JMJD1C: variants seen among roughly 807,000 people sequenced by gnomAD.
The protein encoded by JMJD1C is jumonji domain containing 1C.
Under a neutral mutation model 245.3 loss-of-function variants are expected in JMJD1C, and 31 were observed. The observed-to-expected ratio is 0.13, with a 90% confidence interval of 0.09 to 0.17. The LOEUF is 0.17. Among genes scored for constraint, JMJD1C ranks in the 10% least tolerant of loss-of-function variants. The pLI is 1.00. For synonymous variants in JMJD1C, 1,057 were observed against 1,017.4 expected, an observed-to-expected ratio of 1.04 and a Z score of -0.74; for missense variants, 2,691 against 3,000.2, an observed-to-expected ratio of 0.90 and a Z score of 2.41.
chr10:63,267,073 G>T (rs185340130), intron 2 of JMJD1C, among the ~76,000 whole-genome samples: 1 of 152,270 alleles, frequency 6.6e-6, no homozygotes, highest in East Asian at 1.9e-4. Flanking sequence ...AGCTGACAAT[G>T]ATCAAATTTG....
intron 1 of JMJD1C, among the ~76,000 whole-genome samples, chr10:63,512,214 A>G (rs1431111141): frequency 6.6e-6 from 1 of 152,192 alleles, no homozygotes; most frequent in Non-Finnish European, 1.5e-5. Context: ...TATCTGTCAG[A>G]TCAATTATGA....
At position 63,213,989 on chromosome 10, in the gene JMJD1C, A is replaced by G; in HGVS notation, c.2178T>C (p.Ala726=). The change falls in exon 8 of 26, where the codon GCT becomes GCC. Residue 726 remains alanine, a synonymous_variant. Coordinates refer to ENST00000399262, the MANE Select transcript of JMJD1C (RefSeq NM_032776.3). ...GGCTTAGGAAAGGTGAAATATGATTAGCTCCTGTTTCTGACCCAATAAGTG... is the reference window on the plus strand; with the variant it reads ...GGCTTAGGAAAGGTGAAATATGATTGGCTCCTGTTTCTGACCCAATAAGTG... ...DPALIGSETG[A]NHISPFLSQH... 1 of 1,614,172 alleles carries G rather than the reference A, an allele frequency of 6.2e-7. No individual in the cohort carries two copies. Among genetic ancestry groups the G allele is most frequent in the Non-Finnish European group, 8.5e-7 (1 of 1,180,000 alleles).
At chr10:63,236,143 C>A in intron 3 of JMJD1C, among the ~76,000 whole-genome samples, 1 of 152,140 alleles carries the variant, frequency 6.6e-6, no homozygotes, top group African/African-American at 2.4e-5. Context: ...TCGGTTACAG[C>A]AATATTACAT....
In JMJD1C at chr10:63,213,595, C is replaced by G; in HGVS notation, c.2572G>C (p.Gly858Arg). ...AHPSASYNQL[G>R]LYPIIWQYPN... ...TACTGCCAAATAATTGGATAAAGTC[C>G]AAGCTGATTATATGAAGCAGAAGGA... Residue 858 changes from glycine to arginine, a missense_variant, in exon 8 of 26, where the codon GGA becomes CGA. Transcript: ENST00000399262. 6.2e-7 allele frequency: 1 copy of G among 1,614,100 alleles called. No homozygotes were observed. The highest frequency in any genetic ancestry group is 8.5e-7 in the Non-Finnish European group (1 of 1,179,994).
At chr10:63,254,876 T>C (rs1180062791) in intron 3 of JMJD1C, among the ~76,000 whole-genome samples, 1 of 145,508 alleles carries the variant, frequency 6.9e-6, no homozygotes, top group Middle Eastern at 3.5e-3. Context: ...TTTTATGAGA[T>C]AGGGTCTCCC....
chr10:63,430,158 T>C (rs1950662866), intron 1 of JMJD1C, among the ~76,000 whole-genome samples: 1 of 152,180 alleles, frequency 6.6e-6, no homozygotes, highest in South Asian at 2.1e-4. Flanking sequence ...AAAATAAAGT[T>C]GGGAAATTAC....
chr10:63,335,451 A>G lies in JMJD1C; in HGVS notation c.333+44867T>C, dbSNP rs543785377. 1.6e-4 allele frequency among the ~76,000 whole-genome samples: 24 copies of G among 152,342 alleles called. No individual in the cohort carries two copies. The East Asian group carries it at 4.6e-3, about 29-fold the overall frequency. On this transcript the variant is annotated intron_variant, in intron 2 of 25. Transcript: ENST00000399262. ...CAGTTAAAAAGAAAATTGATTCCAA[A>G]TATAATTCCCCTTAAAAGTTGGCAT... is the stretch of plus-strand genomic sequence containing the variant.
In JMJD1C at chr10:63,380,207, G is replaced by A; in HGVS notation, c.333+111C>T. On this transcript the variant is annotated intron_variant, in intron 2 of 25. Coordinates refer to ENST00000399262, the MANE Select transcript of JMJD1C (RefSeq NM_032776.3). ...AATTGTCCTGCTTCAGCCTCTCAAAGTGCTAGTTTTACAGGTGTCAGTCAC... is the reference window on the plus strand; with the variant it reads ...AATTGTCCTGCTTCAGCCTCTCAAAATGCTAGTTTTACAGGTGTCAGTCAC... The A allele has an allele frequency of 3.8e-6, 4 of 1,050,814 alleles. No homozygotes were observed. In the East Asian group the frequency reaches 7.3e-5, roughly 19 times the overall value. 65.1% of individuals were successfully genotyped at this position (1,050,814 alleles called of 1,614,324 possible).
intron 2 of JMJD1C, among the ~76,000 whole-genome samples, chr10:63,317,998 C>T (rs576821346): frequency 6.6e-6 from 1 of 152,136 alleles, no homozygotes; most frequent in East Asian, 1.9e-4. Context: ...TAGCCATGCA[C>T]CACCACGCTC....
At chr10:63,195,791 T>C (rs1449335483) in intron 13 of JMJD1C, among the ~76,000 whole-genome samples, 1 of 151,738 alleles carries the variant, frequency 6.6e-6, no homozygotes, top group Non-Finnish European at 1.5e-5. Context: ...TAGCTGGGCT[T>C]GGTGGCAGGC....
intron 2 of JMJD1C, among the ~76,000 whole-genome samples, chr10:63,365,481 GTAAT>G (rs1945755275): frequency 6.6e-6 from 1 of 152,108 alleles, no homozygotes; most frequent in South Asian, 2.1e-4. Flanking sequence ...GTAAGATTCA[GTAAT>G]TCAGGCCAGG....
intron 3 of JMJD1C, among the ~76,000 whole-genome samples, chr10:63,245,210 A>AT (rs1449927491): frequency 1.3e-5 from 2 of 151,326 alleles, no homozygotes; most frequent in Non-Finnish European, 2.9e-5. Flanking sequence ...TGAAATAACA[A>AT]TTTTTTAAAA....
intron 2 of JMJD1C, among the ~76,000 whole-genome samples, chr10:63,298,123 G>GT (rs1859656739): frequency 6.6e-6 from 1 of 152,204 alleles, no homozygotes; most frequent in African/African-American, 2.4e-5. Context: ...CAGTATGCCT[G>GT]GCTGTGCACA....
chr10:63,355,469 T>C (rs1296029417), intron 2 of JMJD1C, among the ~76,000 whole-genome samples: 1 of 152,200 alleles, frequency 6.6e-6, no homozygotes, highest in Non-Finnish European at 1.5e-5. Flanking sequence ...AACAGAGAAT[T>C]GTTCCATCAT....
At position 63,364,804 on chromosome 10, in the gene JMJD1C, A is replaced by G. The variant is rs533623063; in HGVS notation, c.333+15514T>C. ...GGCCGAGCACATGTTTTACCAGACA[A>G]ATTTATCCAAGTCTCACCTAGATCA... On this transcript the variant is annotated intron_variant, in intron 2 of 25. Transcript: ENST00000399262. 6.2e-4 allele frequency among the ~76,000 whole-genome samples: 95 copies of G among 152,272 alleles called. 1 individual carries two copies. Among genetic ancestry groups the G allele is most frequent in the Admixed American group, 1.2e-3 (19 of 15,292 alleles).
At chr10:63,212,032 T>C (rs1268627365) in intron 8 of JMJD1C, among the ~76,000 whole-genome samples, 1 of 152,128 alleles carries the variant, frequency 6.6e-6, no homozygotes, top group Non-Finnish European at 1.5e-5. Context: ...GCAACATGGA[T>C]GAACCTCAAG....
chr10:63,197,281 C>T (rs936117025), intron 13 of JMJD1C, 130 bp downstream of exon 13: 2 of 770,024 alleles, frequency 2.6e-6, no homozygotes. Context: ...CTCTTAAAAA[C>T]AAACTGAAAA....
chr10:63,277,003 T>G (rs909429714), intron 2 of JMJD1C, among the ~76,000 whole-genome samples: 19 of 143,520 alleles, frequency 1.3e-4, no homozygotes, highest in Non-Finnish European at 2.7e-4. Context: ...TGCCTCAGCC[T>G]CCCGAGTAGC....
chr10:63,470,898 C>A (rs1038251301), upstream of JMJD1C, among the ~76,000 whole-genome samples: 2 of 152,114 alleles, frequency 1.3e-5, no homozygotes, highest in Non-Finnish European at 2.9e-5. Context: ...CTATTAAAAA[C>A]AAGGTTGATT....
Sources: allele counts gnomAD v4.1 joint callset (sites outside exome capture counted in the v4.1 genomes callset), GRCh38; gene constraint gnomAD v4.1.1; transcripts MANE v1.5; gene names NCBI Gene and HGNC (gene_info 2026-07-23, HGNC 2026-07-21).